ITPK1: variants seen among roughly 807,000 people sequenced by gnomAD.
ITPK1 encodes inositol-tetrakisphosphate 1-kinase, also known as inositol 1,3,4-trisphosphate 5/6-kinase.
A neutral mutation model predicts 45.3 loss-of-function variants in ITPK1; 21 were observed. The observed-to-expected ratio is 0.46, with a 90% CI of 0.33 to 0.67. The LOEUF (loss-of-function observed/expected upper bound fraction) is 0.67, where lower values mean the gene tolerates loss of function less well. Among genes scored for constraint, ITPK1 ranks in the 30% least tolerant of loss-of-function variants. ITPK1 has a pLI of 0.02. For synonymous variants in ITPK1, 258 were observed against 253.6 expected, an observed-to-expected ratio of 1.02 and a Z score of -0.16; for missense variants, 474 against 573.5, an observed-to-expected ratio of 0.83 and a Z score of 1.77.
At chr14:93,106,848 C>G (rs1892545453) in intron 2 of ITPK1, among the ~76,000 whole-genome samples, 1 of 152,190 alleles carries the variant, frequency 6.6e-6, no homozygotes, top group Non-Finnish European at 1.5e-5. Flanking sequence ...TCCCCCACCC[C>G]TGGGGTTTCC....
At chr14:93,082,018 G>A (rs533979623) in intron 2 of ITPK1, among the ~76,000 whole-genome samples, 56 of 152,258 alleles carry the variant, frequency 3.7e-4, no homozygotes, top group South Asian at 6.2e-4. Flanking sequence ...ATCGCACTCC[G>A]GGTGTTGCTC....
At chr14:92,985,134 A>G (rs907541166) in intron 5 of ITPK1, among the ~76,000 whole-genome samples, 1 of 151,960 alleles carries the variant, frequency 6.6e-6, no homozygotes, top group Non-Finnish European at 1.5e-5. Context: ...CACCAGATAA[A>G]CCTGAATTGA....
chr14:93,001,079 A>G (rs184263960), intron 4 of ITPK1, among the ~76,000 whole-genome samples: 1 of 151,812 alleles, frequency 6.6e-6, no homozygotes, highest in Non-Finnish European at 1.5e-5. Context: ...GGAGTTCAAA[A>G]CCAGCCAGTT....
At chr14:92,991,077 G>C (rs1886762853) in intron 5 of ITPK1, among the ~76,000 whole-genome samples, 1 of 152,198 alleles carries the variant, frequency 6.6e-6, no homozygotes, top group Admixed American at 6.5e-5. Flanking sequence ...CCTTCTCCCA[G>C]CACAAAAGCG....
At chr14:93,088,768 A>G (rs1030197495) in intron 2 of ITPK1, among the ~76,000 whole-genome samples, 4 of 152,124 alleles carry the variant, frequency 2.6e-5, no homozygotes, top group African/African-American at 9.7e-5. Context: ...GAGTGCTGGG[A>G]TTACAGATGT....
chr14:92,952,935 C>T (rs536670890), intron 8 of ITPK1, among the ~76,000 whole-genome samples: 5 of 152,380 alleles, frequency 3.3e-5, no homozygotes, highest in Non-Finnish European at 5.9e-5. Flanking sequence ...CACCATCCCA[C>T]GACTTCCCCC....
At chr14:93,041,888 A>G (rs903775102) in intron 3 of ITPK1, among the ~76,000 whole-genome samples, 1 of 152,174 alleles carries the variant, frequency 6.6e-6, no homozygotes, top group Non-Finnish European at 1.5e-5. Flanking sequence ...AGGAACTCCC[A>G]AAACACAGCA....
chr14:92,938,460 C>G lies in ITPK1; in HGVS notation c.*3101G>C. ...CAACAGCTGCTTTGCTCAGTTGGCT[C>G]AAACATGTGACAGCTTCCTACTTCA... On this transcript the variant is annotated 3_prime_UTR_variant, in exon 11 of 11. Coordinates refer to ENST00000267615, the MANE Select transcript of ITPK1 (RefSeq NM_014216.6). 1 of 1,606,332 alleles carries G rather than the reference C, an allele frequency of 6.2e-7. No individual in the cohort carries two copies. Among genetic ancestry groups the G allele is most frequent in the Non-Finnish European group, 8.5e-7 (1 of 1,172,886 alleles).
At chr14:92,993,022 C>T (rs57619374) in intron 5 of ITPK1, among the ~76,000 whole-genome samples, 8,527 of 152,296 alleles carry the variant, frequency 0.056, 480 homozygotes, top group African/African-American at 0.14. Flanking sequence ...ACCCACTGGT[C>T]CCACCGGTCA....
chr14:92,993,475 A>G (rs1392747089), intron 5 of ITPK1, among the ~76,000 whole-genome samples: 1 of 152,176 alleles, frequency 6.6e-6, no homozygotes, highest in African/African-American at 2.4e-5. Flanking sequence ...CAGCCACATT[A>G]CATCTCCACG....
At chr14:93,051,419 C>A (rs1384023930) in intron 3 of ITPK1, among the ~76,000 whole-genome samples, 2 of 152,164 alleles carry the variant, frequency 1.3e-5, no homozygotes, top group African/African-American at 4.8e-5. Context: ...AGTTTGAGAC[C>A]AGCCTGGGCA....
intron 2 of ITPK1, among the ~76,000 whole-genome samples, chr14:93,088,798 G>C (rs889989288): frequency 1.3e-5 from 2 of 152,130 alleles, no homozygotes; most frequent in African/African-American, 4.8e-5. Context: ...CGCCTGGCCT[G>C]TCACCTCTTT....
At chr14:93,019,660 G>A (rs1267974683) in intron 3 of ITPK1, among the ~76,000 whole-genome samples, 1 of 152,116 alleles carries the variant, frequency 6.6e-6, no homozygotes, top group East Asian at 1.9e-4. Context: ...GCCCTGAAGG[G>A]GTCTGTCCCC....
At chr14:93,095,986 G>C (rs565997170) in intron 2 of ITPK1, among the ~76,000 whole-genome samples, 1 of 152,078 alleles carries the variant, frequency 6.6e-6, no homozygotes, top group East Asian at 1.9e-4. Context: ...AATTTGATGA[G>C]AGCCTTTGCC....
intron 8 of ITPK1, 36 bp from the exon 9 acceptor site, chr14:92,952,049 C>T (rs1430367293): frequency 1.3e-6 from 2 of 1,525,564 alleles, no homozygotes; most frequent in Non-Finnish European, 1.8e-6. Context: ...GCGTTAGAAC[C>T]TCAATGCAGG....
intron 2 of ITPK1, among the ~76,000 whole-genome samples, chr14:93,094,512 T>C (rs1278518560): frequency 3.3e-5 from 5 of 152,132 alleles, no homozygotes; most frequent in African/African-American, 9.7e-5. Flanking sequence ...ATTTTATCAG[T>C]GCATGCCCTG....
chr14:92,955,415 C>A (rs952415890), intron 8 of ITPK1, among the ~76,000 whole-genome samples: 1 of 152,182 alleles, frequency 6.6e-6, no homozygotes, highest in Non-Finnish European at 1.5e-5. Flanking sequence ...TGGGAGCCTG[C>A]GCTGCGTCCT....
chr14:92,994,028 G>GC (rs1886923522), intron 4 of ITPK1, 31 bp from the exon 5 acceptor site: 1 of 1,466,188 alleles, frequency 6.8e-7, no homozygotes, highest in South Asian at 1.1e-5. Flanking sequence ...TCTGGTTAGA[G>GC]CAGGGGTAGG....
chr14:92,998,537 G>T (rs904615575), intron 4 of ITPK1, among the ~76,000 whole-genome samples: 12 of 152,232 alleles, frequency 7.9e-5, no homozygotes, highest in African/African-American at 2.9e-4. Flanking sequence ...TCCGGGTTGG[G>T]GGCAGGGACA....
Sources: gnomAD v4.1 joint callset for allele counts (sites outside exome capture counted in the v4.1 genomes callset) on GRCh38, gnomAD v4.1.1 for gene constraint, MANE v1.5 for transcripts, NCBI Gene and HGNC (gene_info 2026-07-23, HGNC 2026-07-21) for gene names.